DNAJC3: variants seen among roughly 807,000 people sequenced by gnomAD.
DNAJC3 encodes dnaJ homolog subfamily C member 3.
DNAJC3 carries 38 observed loss-of-function variants against 68.6 expected under a neutral mutation model. The observed-to-expected ratio is 0.55, with a 90% CI of 0.43 to 0.73. The LOEUF is 0.73. Among genes scored for constraint, DNAJC3 ranks in the 30% least tolerant of loss-of-function variants. The probability of loss-of-function intolerance (pLI) is 0.00; values close to 1 mark genes in which losing one functional copy is unlikely to be tolerated. For missense variants in DNAJC3, 526 were observed against 591.9 expected, an observed-to-expected ratio of 0.89 and a Z score of 1.16; for synonymous variants, 203 against 204.0, an observed-to-expected ratio of 1.00 and a Z score of 0.04.
At chr13:95,728,992 C>T (rs1881616692) in intron 4 of DNAJC3, among the ~76,000 whole-genome samples, 1 of 152,124 alleles carries the variant, frequency 6.6e-6, no homozygotes, top group South Asian at 2.1e-4. Context: ...TGTCTGTCAT[C>T]CTACTCTCTA....
chr13:95,725,654 A>AT (rs1230326504), intron 4 of DNAJC3, among the ~76,000 whole-genome samples: 3 of 149,272 alleles, frequency 2.0e-5, no homozygotes, highest in African/African-American at 7.5e-5. Flanking sequence ...AATGAAACAG[A>AT]TTCTTTTTTT....
chr13:95,742,054 A>G (rs1882161981), intron 4 of DNAJC3, among the ~76,000 whole-genome samples: 2 of 152,266 alleles, frequency 1.3e-5, no homozygotes, highest in East Asian at 1.9e-4. Context: ...CTACTGGGTA[A>G]GGCGGGGATT....
rs1236292146 is a variant in DNAJC3 at position 95,793,579 on chromosome 13, C to T, written c.*2549C>T. ...TCCCGGGTTCAAGCAGTTCTCCTGC[C>T]TCAGCCTCCAAGTAGCTGGGACTAT... On this transcript the variant is annotated 3_prime_UTR_variant, in exon 12 of 12. Coordinates refer to ENST00000602402, the MANE Select transcript of DNAJC3 (RefSeq NM_006260.5). 2.0e-5 allele frequency: 3 copies of T among 150,012 alleles called. No homozygotes were observed. Among genetic ancestry groups the T allele is most frequent in the African/African-American group, 7.4e-5 (3 of 40,418 alleles). The allele number at this position is 150,012 out of a possible 1,614,324, so 9.3% of individuals were successfully genotyped here.
intron 3 of DNAJC3, 71 bp from the exon 4 acceptor site, chr13:95,725,107 A>G: frequency 1.9e-6 from 2 of 1,031,428 alleles, no homozygotes; most frequent in Non-Finnish European, 2.7e-6. Flanking sequence ...ATTTAGTTTT[A>G]TTCTTCGTGT....
At chr13:95,786,853 G>C (rs761345039) in intron 10 of DNAJC3, among the ~76,000 whole-genome samples, 154 bp from the exon 11 acceptor site, 1 of 152,192 alleles carries the variant, frequency 6.6e-6, no homozygotes, top group African/African-American at 2.4e-5. Flanking sequence ...ATCCAGAACT[G>C]TGTATGCAGA....
At chr13:95,774,726 G>A (rs1305005558) in intron 9 of DNAJC3, among the ~76,000 whole-genome samples, 2 of 152,142 alleles carry the variant, frequency 1.3e-5, no homozygotes, top group Non-Finnish European at 2.9e-5. Context: ...CTTACTCAGT[G>A]TTCCTGTTGA....
At chr13:95,685,725 T>G (rs1226234272) in intron 1 of DNAJC3, among the ~76,000 whole-genome samples, 2 of 152,326 alleles carry the variant, frequency 1.3e-5, no homozygotes, top group East Asian at 3.9e-4. Context: ...TTTTCCATAG[T>G]GGTTGAACTA....
intron 9 of DNAJC3, among the ~76,000 whole-genome samples, chr13:95,766,279 G>A (rs1882990265): frequency 6.6e-6 from 1 of 152,128 alleles, no homozygotes; most frequent in African/African-American, 2.4e-5. Flanking sequence ...AGAATTATCA[G>A]GAAACAGGGG....
At chr13:95,722,302 C>T (rs941425929) in intron 2 of DNAJC3, among the ~76,000 whole-genome samples, 31 of 152,162 alleles carry the variant, frequency 2.0e-4, no homozygotes, top group African/African-American at 7.5e-4. Context: ...TTTATTTCTT[C>T]ACCTCCATTC....
intron 1 of DNAJC3, among the ~76,000 whole-genome samples, chr13:95,697,734 A>G (rs1035768840): frequency 1.3e-5 from 2 of 151,126 alleles, no homozygotes; most frequent in African/African-American, 4.9e-5. Flanking sequence ...ATTTTAAAAC[A>G]AATTCTTTTT....
intron 9 of DNAJC3, among the ~76,000 whole-genome samples, chr13:95,769,326 C>G (rs1444719586): frequency 6.6e-6 from 1 of 152,080 alleles, no homozygotes; most frequent in Admixed American, 6.6e-5. Context: ...ATGGCTGATG[C>G]TTTTTTTCAA....
intron 1 of DNAJC3, among the ~76,000 whole-genome samples, chr13:95,707,745 T>C (rs1202772634): frequency 6.6e-6 from 1 of 152,182 alleles, no homozygotes. Flanking sequence ...AAGAGAACTC[T>C]AACGGATATT....
intron 2 of DNAJC3, among the ~76,000 whole-genome samples, chr13:95,710,034 C>G (rs2139626866): frequency 6.6e-6 from 1 of 152,296 alleles, no homozygotes; most frequent in South Asian, 2.1e-4. Context: ...TTGGGAGATG[C>G]TGCAGTTCAT....
intron 9 of DNAJC3, among the ~76,000 whole-genome samples, chr13:95,783,113 TTTG>T (rs1883500287): frequency 6.6e-6 from 1 of 152,140 alleles, no homozygotes; most frequent in South Asian, 2.1e-4. Flanking sequence ...GGTGTTTTGT[TTTG>T]TTTTGTTTTT....
At chr13:95,718,519 G>A (rs935439705) in intron 2 of DNAJC3, among the ~76,000 whole-genome samples, 2 of 152,212 alleles carry the variant, frequency 1.3e-5, no homozygotes, top group African/African-American at 2.4e-5. Flanking sequence ...CTCCTCTTCA[G>A]CCTCTGGAGT....
chr13:95,726,693 C>T (rs1881536037), intron 4 of DNAJC3, among the ~76,000 whole-genome samples: 1 of 152,114 alleles, frequency 6.6e-6, no homozygotes, highest in South Asian at 2.1e-4. Flanking sequence ...TTTTTATGCC[C>T]TCATTAGGCT....
chr13:95,768,537 A>G (rs1883072403), intron 9 of DNAJC3, among the ~76,000 whole-genome samples: 2 of 152,214 alleles, frequency 1.3e-5, no homozygotes, highest in South Asian at 4.1e-4. Flanking sequence ...GGCCTGGGCA[A>G]AATTGTGAAA....
rs868184569 is a variant in DNAJC3 at position 95,688,967 on chromosome 13, C to T, written c.82+11630C>T. ...GTGTGTGTGTGTGTGTGTGTGTGTG[C>T]GCGCTGTTGGATTTAGTTTGCTAGT... On this transcript the variant is annotated intron_variant, in intron 1 of 11. Coordinates refer to ENST00000602402, the MANE Select transcript of DNAJC3 (RefSeq NM_006260.5). Among the ~76,000 whole-genome samples the T allele has an allele frequency of 1.4e-4, 20 of 138,476 alleles. 1 individual carries two copies. Among genetic ancestry groups the T allele is most frequent in the East Asian group, 4.1e-4 (2 of 4,916 alleles). The allele number at this position is 138,476 out of a possible 152,430, so 90.8% of individuals were successfully genotyped here.
intron 9 of DNAJC3, among the ~76,000 whole-genome samples, chr13:95,783,540 G>GT (rs1044901790): frequency 6.6e-6 from 1 of 152,132 alleles, no homozygotes; most frequent in African/African-American, 2.4e-5. Context: ...TGATGGTTTT[G>GT]TTTTTATACT....
Sources: gnomAD v4.1 joint callset for allele counts (sites outside exome capture counted in the v4.1 genomes callset) on GRCh38, gnomAD v4.1.1 for gene constraint, MANE v1.5 for transcripts, NCBI Gene and HGNC (gene_info 2026-07-23, HGNC 2026-07-21) for gene names.